Variants in ADD3 observed in about 807,000 individuals in gnomAD.
ADD3 encodes gamma-adducin.
In ADD3, 25 loss-of-function variants were observed where a neutral mutation model predicts 80.2. The ratio of observed to expected loss-of-function variants is 0.31; its 90% confidence interval spans 0.23 to 0.44. ADD3 has a LOEUF of 0.44. Ranked by LOEUF, ADD3 falls within the 20% of genes least tolerant of loss-of-function variation. The pLI, the probability that ADD3 is intolerant of heterozygous loss-of-function variation, is 1.00. For missense variants in ADD3, 829 were observed against 847.5 expected (o/e 0.98, Z 0.27); for synonymous variants, 284 against 289.6 (o/e 0.98, Z 0.20).
In ADD3 at chr10:110,130,432, G is replaced by A. The variant is rs1280309640; in HGVS notation, c.1678G>A (p.Gly560Arg). ...PPNPFSHLTE[G>R]ELEEYKRTIE... ...TAACCCATTTAGTCATCTCACAGAA[G>A]GAGAACTTGAAGAGTATAAGAGGAC... is the stretch of plus-strand genomic sequence containing the variant. The change falls in exon 13 of 15, where the codon GGA becomes AGA. Residue 560 changes from glycine to arginine, a missense_variant. Physicochemically the swap from Gly to Arg is moderately radical, Grantham distance 125 (BLOSUM62 -2). Transcript: ENST00000356080. 6.2e-7 allele frequency: 1 copy of A among 1,614,084 alleles called. No individual in the cohort carries two copies. The highest frequency in any genetic ancestry group is 1.7e-5 in the Admixed American group (1 of 60,032).
At chr10:110,112,539 A>G (rs975365422) in intron 2 of ADD3, among the ~76,000 whole-genome samples, 11 of 151,986 alleles carry the variant, frequency 7.2e-5, no homozygotes, top group African/African-American at 2.4e-4. Context: ...TGTAGATATT[A>G]TAATATCTCA....
At chr10:110,026,457 T>G (rs1854318110) in intron 1 of ADD3, among the ~76,000 whole-genome samples, 1 of 152,038 alleles carries the variant, frequency 6.6e-6, no homozygotes, top group Non-Finnish European at 1.5e-5. Context: ...ATTTTGTATT[T>G]TTAGTAGAGA....
chr10:110,088,968 C>T (rs1432848739), intron 1 of ADD3, among the ~76,000 whole-genome samples: 1 of 151,984 alleles, frequency 6.6e-6, no homozygotes, highest in Non-Finnish European at 1.5e-5. Flanking sequence ...TAATAATAAG[C>T]TTTGTTGGAT....
chr10:110,129,845 A>G (rs1852709456), intron 12 of ADD3, among the ~76,000 whole-genome samples: 1 of 151,570 alleles, frequency 6.6e-6, no homozygotes, highest in South Asian at 2.1e-4. Flanking sequence ...TTCCTTTACT[A>G]TCATTTTAGT....
intron 1 of ADD3, among the ~76,000 whole-genome samples, chr10:110,086,579 G>A (rs1444506208): frequency 1.3e-5 from 2 of 152,176 alleles, no homozygotes; most frequent in African/African-American, 4.8e-5. Context: ...GCTATCTCAT[G>A]ATAGAGTTCT....
intron 1 of ADD3, among the ~76,000 whole-genome samples, chr10:110,036,496 C>T (rs1855674549): frequency 6.6e-6 from 1 of 150,884 alleles, no homozygotes; most frequent in Non-Finnish European, 1.5e-5. Flanking sequence ...TCTCCTGCCT[C>T]AGCCTCCCAA....
At chr10:110,114,149 G>A (rs1850394641) in intron 3 of ADD3, among the ~76,000 whole-genome samples, 5 of 152,206 alleles carry the variant, frequency 3.3e-5, no homozygotes, top group Admixed American at 2.6e-4. Context: ...AAAGCCATGT[G>A]CCACTGTTTG....
At chr10:110,108,632 A>G (rs915495110) in intron 2 of ADD3, among the ~76,000 whole-genome samples, 3 of 152,172 alleles carry the variant, frequency 2.0e-5, no homozygotes, top group Non-Finnish European at 4.4e-5. Flanking sequence ...AATTTAAAAA[A>G]TCAGCTGAAA....
At chr10:110,074,988 C>T (rs1448736566) in intron 1 of ADD3, among the ~76,000 whole-genome samples, 1 of 152,130 alleles carries the variant, frequency 6.6e-6, no homozygotes, top group African/African-American at 2.4e-5. Context: ...TATGTGAGTG[C>T]CAAATAATAT....
At chr10:110,115,148 G>A (rs1565006414) in intron 3 of ADD3, among the ~76,000 whole-genome samples, 5 of 151,456 alleles carry the variant, frequency 3.3e-5, no homozygotes. Flanking sequence ...CCAGCACTCT[G>A]GGAGGCCAAG....
intron 1 of ADD3, among the ~76,000 whole-genome samples, chr10:110,075,223 AC>A (rs1845248946): frequency 6.6e-6 from 1 of 152,200 alleles, no homozygotes; most frequent in South Asian, 2.1e-4. Flanking sequence ...TATTCTTGAT[AC>A]TAAATCTGAT....
intron 1 of ADD3, among the ~76,000 whole-genome samples, chr10:110,076,187 G>A (rs1357238941): frequency 2.0e-5 from 3 of 151,934 alleles, no homozygotes; most frequent in African/African-American, 7.3e-5. Flanking sequence ...ATAACTCTTG[G>A]TTGTGTTTCT....
At chr10:110,069,476 T>C (rs1844403633) in intron 1 of ADD3, among the ~76,000 whole-genome samples, 1 of 152,164 alleles carries the variant, frequency 6.6e-6, no homozygotes, top group African/African-American at 2.4e-5. Flanking sequence ...TTCTCATATA[T>C]CAACAGCTTT....
At chr10:110,126,211 T>G (rs972372071) in intron 11 of ADD3, among the ~76,000 whole-genome samples, 3 of 152,192 alleles carry the variant, frequency 2.0e-5, no homozygotes, top group Admixed American at 2.0e-4. Flanking sequence ...TCTAACAACC[T>G]AAGACGAAAG....
At chr10:109,999,564 C>T (rs1056006923) in intron 1 of ADD3, among the ~76,000 whole-genome samples, 1 of 152,202 alleles carries the variant, frequency 6.6e-6, no homozygotes, top group African/African-American at 2.4e-5. Context: ...AATTATTTAA[C>T]CTTTCTGAGT....
At chr10:110,007,464 C>G (rs1851735910), upstream of ADD3, among the ~76,000 whole-genome samples, 1 of 152,236 alleles carries the variant, frequency 6.6e-6, no homozygotes, top group Non-Finnish European at 1.5e-5. Flanking sequence ...AGCGGCGGCT[C>G]AGCCTCGGGA....
chr10:110,101,602 AT>A (rs1848816447), intron 2 of ADD3, among the ~76,000 whole-genome samples: 1 of 151,406 alleles, frequency 6.6e-6, no homozygotes, highest in African/African-American at 2.4e-5. Context: ...ATGCCACTGC[AT>A]TCCAGCCTGG....
chr10:110,070,205 A>G lies in ADD3; in HGVS notation c.-29-30420A>G, dbSNP rs117948767. Among the ~76,000 whole-genome samples, 866 of 152,212 alleles carry G rather than the reference A, an allele frequency of 5.7e-3. 4 individuals are homozygous for G. The highest frequency in any genetic ancestry group is 9.6e-3 in the Non-Finnish European group (653 of 67,998). On this transcript the variant is annotated intron_variant, in intron 1 of 14. Coordinates refer to ENST00000356080, the MANE Select transcript of ADD3 (RefSeq NM_016824.5). ...TCTGTAGTATATCTGTAGTATATCT[A>G]TTATAATAACAGAGTGTGCTACAAT...
intron 13 of ADD3, 135 bp downstream of exon 13, chr10:110,130,621 C>G: frequency 1.1e-6 from 1 of 903,598 alleles, no homozygotes; most frequent in Non-Finnish European, 1.6e-6. Context: ...TTTGGGAGAC[C>G]AAGGCAGGTG....
Sources: gnomAD v4.1 joint callset for allele counts (sites outside exome capture counted in the v4.1 genomes callset) on GRCh38, gnomAD v4.1.1 for gene constraint, MANE v1.5 for transcripts, NCBI Gene and HGNC (gene_info 2026-07-23, HGNC 2026-07-21) for gene names.